The following LINGO2 variants were observed in gnomAD, a reference collection of about 807,000 sequenced individuals.
LINGO2 encodes the protein leucine rich repeat and Ig domain containing 2.
A neutral mutation model predicts 30.6 loss-of-function variants in LINGO2; 14 were observed. That is an observed-to-expected ratio of 0.46 (90% CI 0.30 to 0.72). LINGO2 has a LOEUF of 0.72. Among genes scored for constraint, LINGO2 ranks in the 30% least tolerant of loss-of-function variants. LINGO2 has a pLI of 0.07. For synonymous variants in LINGO2, 317 were observed against 288.5 expected, an observed-to-expected ratio of 1.10 and a Z score of -1.00; for missense variants, 729 against 751.7, an observed-to-expected ratio of 0.97 and a Z score of 0.35.
chr9:29,128,086 G>A, the LINGO2 span, among the ~76,000 whole-genome samples: 1 of 152,092 alleles, frequency 6.6e-6, no homozygotes, highest in African/African-American at 2.4e-5. Context: ...GATGATATAA[G>A]TCAAGATCTT....
intron 1 of LINGO2, among the ~76,000 whole-genome samples, chr9:28,656,071 G>T (rs889883232): frequency 6.6e-6 from 1 of 152,028 alleles, no homozygotes; most frequent in African/African-American, 2.4e-5. Context: ...TGTCAAATTA[G>T]GCAACACTGC....
intron 4 of LINGO2, among the ~76,000 whole-genome samples, chr9:28,052,505 C>T (rs1040253773): frequency 6.6e-6 from 1 of 152,010 alleles, no homozygotes; most frequent in Non-Finnish European, 1.5e-5. Flanking sequence ...TATACCAGGC[C>T]ATTTGCTCAA....
intron 1 of LINGO2, among the ~76,000 whole-genome samples, chr9:28,491,252 T>G (rs1826384179): frequency 6.6e-6 from 1 of 152,194 alleles, no homozygotes; most frequent in South Asian, 2.1e-4. Flanking sequence ...GATAAATATA[T>G]TCCTTGTCTC....
chr9:28,454,678 G>T (rs922106828), intron 2 of LINGO2, among the ~76,000 whole-genome samples: 3 of 151,918 alleles, frequency 2.0e-5, no homozygotes, highest in African/African-American at 7.2e-5. Flanking sequence ...GAAATAAGAT[G>T]AAAGTGTGGG....
intron 1 of LINGO2, among the ~76,000 whole-genome samples, chr9:28,484,150 C>A (rs940629566): frequency 1.3e-5 from 2 of 152,018 alleles, no homozygotes; most frequent in Non-Finnish European, 2.9e-5. Flanking sequence ...TGACTATCAT[C>A]CATTGGGAAT....
chr9:28,635,221 A>G (rs955058871), intron 1 of LINGO2, among the ~76,000 whole-genome samples: 6 of 152,224 alleles, frequency 3.9e-5, no homozygotes, highest in African/African-American at 1.2e-4. Flanking sequence ...TAACCAAAAG[A>G]GCCTTTTTAT....
the LINGO2 span, among the ~76,000 whole-genome samples, chr9:28,705,611 C>G: frequency 2.6e-5 from 4 of 152,116 alleles, no homozygotes. Flanking sequence ...GCTCCCACTG[C>G]CAGAATCAGC....
chr9:28,056,740 T>C (rs1824954405), intron 4 of LINGO2, among the ~76,000 whole-genome samples: 1 of 152,170 alleles, frequency 6.6e-6, no homozygotes, highest in African/African-American at 2.4e-5. Context: ...ACTTTTACTT[T>C]CGTCACTTGC....
chr9:28,856,748 A>G, the LINGO2 span, among the ~76,000 whole-genome samples: 3 of 152,112 alleles, frequency 2.0e-5, no homozygotes, highest in South Asian at 6.2e-4. Context: ...CGTTTTAAGG[A>G]GGAGAATAAA....
At chr9:28,264,062 A>G (rs1373717525) in intron 4 of LINGO2, among the ~76,000 whole-genome samples, 1 of 121,944 alleles carries the variant, frequency 8.2e-6, no homozygotes, top group African/African-American at 2.5e-5. Flanking sequence ...TCTGCTGTGA[A>G]GTAAAAAAAA....
At chr9:28,914,516 G>C in the LINGO2 span, among the ~76,000 whole-genome samples, 1 of 152,220 alleles carries the variant, frequency 6.6e-6, no homozygotes, top group South Asian at 2.1e-4. Context: ...ATATTAGCTT[G>C]AGACAAACAT....
At chr9:28,890,007 T>A in the LINGO2 span, among the ~76,000 whole-genome samples, 7 of 152,220 alleles carry the variant, frequency 4.6e-5, no homozygotes, top group South Asian at 1.2e-3. Context: ...ACACAGGGTC[T>A]CTGTCCATAA....
chr9:28,918,636 A>G, the LINGO2 span, among the ~76,000 whole-genome samples: 1 of 152,172 alleles, frequency 6.6e-6, no homozygotes, highest in African/African-American at 2.4e-5. Context: ...TTAATTTTAG[A>G]TTAAAATGTA....
At chr9:28,177,803 C>A (rs1016694475) in intron 4 of LINGO2, among the ~76,000 whole-genome samples, 4 of 152,096 alleles carry the variant, frequency 2.6e-5, no homozygotes, top group Admixed American at 1.3e-4. Context: ...TCAGTAGCAT[C>A]CCCATTTTAT....
At chr9:28,839,058 AG>A in the LINGO2 span, among the ~76,000 whole-genome samples, 1 of 152,198 alleles carries the variant, frequency 6.6e-6, no homozygotes, top group Non-Finnish European at 1.5e-5. Context: ...TGGAGATACT[AG>A]GAACTGTGGA....
At chr9:29,000,164 T>C in the LINGO2 span, among the ~76,000 whole-genome samples, 7,711 of 151,996 alleles carry the variant, frequency 0.051, 577 homozygotes, top group African/African-American at 0.16. Flanking sequence ...GTTTTAGGAA[T>C]TGTGGTAAGT....
intron 4 of LINGO2, among the ~76,000 whole-genome samples, chr9:28,121,101 A>T (rs1027242096): frequency 1.3e-5 from 2 of 152,274 alleles, no homozygotes; most frequent in Admixed American, 1.3e-4. Flanking sequence ...CCAGAACACA[A>T]TTATTCATAG....
chr9:28,773,007 A>C, the LINGO2 span, among the ~76,000 whole-genome samples: 1 of 152,138 alleles, frequency 6.6e-6, no homozygotes, highest in South Asian at 2.1e-4. Flanking sequence ...AATGTCATGA[A>C]AAATAATAAT....
chr9:28,393,682 C>CA (rs2134701351), intron 2 of LINGO2, among the ~76,000 whole-genome samples: 1 of 152,300 alleles, frequency 6.6e-6, no homozygotes, highest in South Asian at 2.1e-4. Context: ...AGGTGAACAT[C>CA]AGGCCTTACC....
Sources: gnomAD v4.1 joint callset for allele counts (sites outside exome capture counted in the v4.1 genomes callset) on GRCh38, gnomAD v4.1.1 for gene constraint, MANE v1.5 for transcripts, NCBI Gene and HGNC (gene_info 2026-07-23, HGNC 2026-07-21) for gene names.